The following CCDC88C variants were observed in gnomAD, a reference collection of about 807,000 sequenced individuals.
CCDC88C encodes coiled-coil and HOOK domain protein 88C.
A neutral mutation model predicts 198.8 loss-of-function variants in CCDC88C; 131 were observed. The ratio of observed to expected loss-of-function variants is 0.66; its 90% confidence interval spans 0.57 to 0.76. The LOEUF is 0.76. Ranked by LOEUF, CCDC88C falls within the 30% of genes least tolerant of loss-of-function variation. The probability of loss-of-function intolerance (pLI) is 0.00; values close to 1 mark genes in which losing one functional copy is unlikely to be tolerated. For missense variants in CCDC88C, 2,553 were observed against 2,631.6 expected (o/e 0.97, Z 0.65); for synonymous variants, 1,166 against 1,114.7 (o/e 1.05, Z -0.92).
In CCDC88C at chr14:91,314,489, C is replaced by G. The variant is rs28718157; in HGVS notation, c.1666-339G>C. On this transcript the variant is annotated intron_variant, in intron 14 of 29. Transcript: ENST00000389857. ...CCTCTGCTTACACTACTCTCCACCT[C>G]CTGCTCACTGCTCCTAGCCCAGCTG... 5.4e-3 allele frequency among the ~76,000 whole-genome samples: 827 copies of G among 152,368 alleles called. 5 individuals carry two copies. The highest frequency in any genetic ancestry group is 0.019 in the African/African-American group (793 of 41,576).
chr14:91,310,058 C>T, intron 15 of CCDC88C, 72 bp from the exon 16 acceptor site: 2 of 1,443,006 alleles, frequency 1.4e-6, no homozygotes, highest in South Asian at 1.4e-5. Flanking sequence ...GCCAGTCCCG[C>T]CCGGGTGTGA....
chr14:91,334,965 C>G (rs1164188814), intron 10 of CCDC88C, among the ~76,000 whole-genome samples: 1 of 152,202 alleles, frequency 6.6e-6, no homozygotes, highest in Non-Finnish European at 1.5e-5. Context: ...CCTGTGCTCC[C>G]ATACTCGGCT....
chr14:91,281,361 G>A, intron 27 of CCDC88C, 96 bp downstream of exon 27: 1 of 1,587,972 alleles, frequency 6.3e-7, no homozygotes, highest in Non-Finnish European at 8.6e-7. Flanking sequence ...ATTTGGTGTT[G>A]GACTCCCGTA....
intron 27 of CCDC88C, 23 bp downstream of exon 27, chr14:91,281,434 G>A (rs1890193548): frequency 8.1e-6 from 13 of 1,613,612 alleles, no homozygotes; most frequent in Non-Finnish European, 1.1e-5. Context: ...CAGGCTGGAG[G>A]ACACAGCACC....
chr14:91,285,459 G>C (rs1365801297), intron 25 of CCDC88C: 1 of 463,482 alleles, frequency 2.2e-6, no homozygotes, highest in Non-Finnish European at 4.2e-6. Flanking sequence ...CTAAAACTGT[G>C]TTGTGCTGAA....
chr14:91,415,122 T>C (rs957641691), intron 2 of CCDC88C, among the ~76,000 whole-genome samples: 1 of 152,096 alleles, frequency 6.6e-6, no homozygotes, highest in African/African-American at 2.4e-5. Flanking sequence ...TGGGCTTGGG[T>C]AAGGACAGGT....
intron 3 of CCDC88C, among the ~76,000 whole-genome samples, chr14:91,372,790 G>A (rs1020246907): frequency 6.6e-6 from 1 of 152,100 alleles, no homozygotes; most frequent in African/African-American, 2.4e-5. Flanking sequence ...CTGGGCCTCG[G>A]CATCAAGCCC....
In CCDC88C at chr14:91,333,934, C is replaced by A. The variant is rs775484737; in HGVS notation, c.1050+4071G>T. 2.6e-5 allele frequency among the ~76,000 whole-genome samples: 4 copies of A among 152,326 alleles called. No homozygotes were observed. The South Asian group carries it at 8.3e-4, about 32-fold the overall frequency. Reference sequence around the variant, plus strand: ...ACTGTTTCACAATGGATGTGGTTGACCAGGTGTGCACTGAGGCAAAGTGCC... The same window carrying A: ...ACTGTTTCACAATGGATGTGGTTGAACAGGTGTGCACTGAGGCAAAGTGCC... On this transcript the variant is annotated intron_variant, in intron 10 of 29. Coordinates refer to ENST00000389857, the MANE Select transcript of CCDC88C (RefSeq NM_001080414.4).
rs764597711 is a variant in CCDC88C at position 91,300,044 on chromosome 14, G to A, written c.3662C>T (p.Ala1221Val). The A allele has an allele frequency of 7.5e-6, 12 of 1,607,560 alleles. No individual in the cohort carries two copies. Among genetic ancestry groups the A allele is most frequent in the African/African-American group, 5.3e-5 (4 of 74,816 alleles). The change falls in exon 21 of 30, where the codon GCG (alanine) becomes GTG (valine). Residue 1221 changes from alanine (A) to valine (V), a missense_variant. By Grantham distance (64) the Ala-to-Val change is moderately conservative. Coordinates refer to ENST00000389857, the MANE Select transcript of CCDC88C (RefSeq NM_001080414.4). ...ERHGDMLKRK[A>V]ELEEREKVLT... is the part of the protein sequence containing the mutation. ...GACCTTCTCCCGCTCCTCCAGCTCC[G>A]CCTTGCGCTTCAGCATGTCACCGTG...
At chr14:91,375,009 G>C (rs1884309070) in intron 3 of CCDC88C, among the ~76,000 whole-genome samples, 1 of 152,206 alleles carries the variant, frequency 6.6e-6, no homozygotes, top group East Asian at 1.9e-4. Context: ...TATACAACAT[G>C]CCGAGGGGAT....
chr14:91,388,016 C>T (rs1301738761), intron 3 of CCDC88C, among the ~76,000 whole-genome samples: 2 of 152,162 alleles, frequency 1.3e-5, no homozygotes, highest in Admixed American at 1.3e-4. Context: ...TAAGGGCTCC[C>T]CATTGGTTCT....
intron 29 of CCDC88C, among the ~76,000 whole-genome samples, chr14:91,277,441 T>C (rs1346621694): frequency 1.3e-5 from 2 of 152,252 alleles, no homozygotes; most frequent in Non-Finnish European, 1.5e-5. Context: ...GCCATGTCCA[T>C]CTATTGACAT....
At chr14:91,303,633 C>T in intron 20 of CCDC88C, 68 bp downstream of exon 20, 1 of 1,393,574 alleles carries the variant, frequency 7.2e-7, no homozygotes. Context: ...CCCCACCTTT[C>T]CCCCTGGGCC....
chr14:91,406,704 G>A (rs1313375916), intron 3 of CCDC88C, among the ~76,000 whole-genome samples: 2 of 152,248 alleles, frequency 1.3e-5, no homozygotes, highest in African/African-American at 4.8e-5. Flanking sequence ...CGTATCTGCT[G>A]AGCAGCCGGC....
chr14:91,312,286 G>A (rs369895738), intron 15 of CCDC88C, among the ~76,000 whole-genome samples: 1 of 152,294 alleles, frequency 6.6e-6, no homozygotes, highest in East Asian at 1.9e-4. Context: ...TACTTAGGAG[G>A]CTGAGGCAGG....
At position 91,289,250 on chromosome 14, in the gene CCDC88C, G is replaced by A; in HGVS notation, c.4296C>T (p.Ser1432=). 1.9e-6 allele frequency: 3 copies of A among 1,614,068 alleles called. No individual in the cohort carries two copies. The South Asian group carries it at 3.3e-5, about 18-fold the overall frequency. ...SRERLKSTVD[S]PPWQLESSDP... The stretch of plus-strand genomic sequence containing the variant: ...CTGAGGACTCCAGCTGCCAGGGAGG[G>A]CTGTCCACGGTGGATTTTAAGCGTT... Residue 1432 remains serine, a synonymous_variant, in exon 25 of 30, where the codon AGC becomes AGT. Transcript: ENST00000389857.
intron 21 of CCDC88C, 24 bp from the exon 22 acceptor site, chr14:91,297,515 C>A: frequency 1.9e-6 from 3 of 1,550,604 alleles, no homozygotes; most frequent in Non-Finnish European, 1.7e-6. Flanking sequence ...AGTCACAGGG[C>A]AAAGGAGCTG....
rs754233469 is a variant in CCDC88C, at chr14:91,305,851, T to C, written c.3271A>G (p.Ser1091Gly). ...QHLETQNVTF[S>G]SQILTLQKQS... ...TTCTGCAGTGTCAAGATCTGGCTGCTGAAGGTCACGTTCTGGGTCTCCAGG... is the reference window on the plus strand; with the variant it reads ...TTCTGCAGTGTCAAGATCTGGCTGCCGAAGGTCACGTTCTGGGTCTCCAGG... Residue 1091 changes from serine (S) to glycine (G), a missense_variant, in exon 19 of 30, where the codon AGC becomes GGC. Around this residue, in one of 2 missense-constraint regions of CCDC88C, gnomAD observed 1,260 missense variants for 1,412.0 expected, o/e 0.89. Transcript: ENST00000389857. The C allele has an allele frequency of 4.3e-6, 7 of 1,614,012 alleles. No individual in the cohort carries two copies. Among genetic ancestry groups the C allele is most frequent in the Middle Eastern group, 1.6e-4 (1 of 6,062 alleles).
In CCDC88C at chr14:91,325,958, C is replaced by T; in HGVS notation, c.1149G>A (p.Leu383=). The T allele has an allele frequency of 6.4e-7, 1 of 1,565,642 alleles. No homozygotes were observed. The highest frequency in any genetic ancestry group is 8.7e-7 in the Non-Finnish European group (1 of 1,154,188). Residue 383 remains leucine (L), a synonymous_variant, in exon 11 of 30, where the codon CTG becomes CTA. Coordinates refer to ENST00000389857, the MANE Select transcript of CCDC88C (RefSeq NM_001080414.4). The surrounding 1 kb of genome is among the most constrained non-coding windows in gnomAD (Gnocchi z 4.1). ...ATTTCAGCTGCAGGTTCTCCTTTTC[C>T]AGCTCATGGACTTTATCGCCCCGGG... is the stretch of plus-strand genomic sequence containing the variant. The part of the protein sequence containing the change: ...ARARGDKVHE[L]EKENLQLKSK...
Sources: allele counts gnomAD v4.1 joint callset (sites outside exome capture counted in the v4.1 genomes callset), GRCh38; gene constraint gnomAD v4.1.1; regional missense constraint gnomAD v4.1.1; non-coding constraint Gnocchi (gnomAD v3.1); transcripts MANE v1.5; gene names NCBI Gene and HGNC (gene_info 2026-07-23, HGNC 2026-07-21).